The following SLC51A variants were observed in gnomAD, a reference collection of about 807,000 sequenced individuals.
The protein encoded by SLC51A is solute carrier family 51 member A, also known as organic solute transporter subunit alpha.
In SLC51A, 22 loss-of-function variants were observed where a neutral mutation model predicts 34.8. The observed-to-expected ratio is 0.63, with a 90% CI of 0.45 to 0.90. SLC51A has a LOEUF of 0.90. Among genes scored for constraint, SLC51A ranks in the 40% least tolerant of loss-of-function variants. The pLI is 0.00. For synonymous variants in SLC51A, 181 were observed against 176.3 expected, an observed-to-expected ratio of 1.03 and a Z score of -0.21; for missense variants, 371 against 414.8, an observed-to-expected ratio of 0.89 and a Z score of 0.92.
intron 2 of SLC51A, among the ~76,000 whole-genome samples, chr3:196,223,160 A>G (rs1054108348): frequency 2.0e-5 from 3 of 151,740 alleles, no homozygotes; most frequent in African/African-American, 7.3e-5. Flanking sequence ...CTGCTCCTTC[A>G]CTTCCAGGCT....
Position 196,228,779 on chromosome 3 carries a change from C to T in SLC51A, c.522-30C>T. The T allele has an allele frequency of 1.9e-6, 3 of 1,587,504 alleles. No homozygotes were observed. The highest frequency in any genetic ancestry group is 1.7e-6 in the Non-Finnish European group (2 of 1,156,106). ...CTTCCTGGGGCAGGGGGTTTGTGGG[C>T]CCATGTTCCTAACCCTCTTCCCCAC... On this transcript the variant is annotated intron_variant, in intron 5 of 8. Coordinates refer to ENST00000296327, the MANE Select transcript of SLC51A (RefSeq NM_152672.6). This position sits in a 1 kb window ranked among gnomAD's most constrained non-coding sequence, Gnocchi z 4.9.
At chr3:196,221,338 G>T (rs9830604) in intron 2 of SLC51A, among the ~76,000 whole-genome samples, 1 of 150,442 alleles carries the variant, frequency 6.6e-6, no homozygotes, top group African/African-American at 2.5e-5. Context: ...TTAAAATCAC[G>T]GCTCACGGCA....
In SLC51A at chr3:196,227,751, C is replaced by T. The variant is rs199904348; in HGVS notation, c.362+14C>T. The T allele has an allele frequency of 3.7e-6, 6 of 1,606,450 alleles. No individual in the cohort carries two copies. The highest frequency in any genetic ancestry group is 5.1e-6 in the Non-Finnish European group (6 of 1,176,602). On this transcript the variant is annotated intron_variant, in intron 4 of 8. Coordinates refer to ENST00000296327, the MANE Select transcript of SLC51A (RefSeq NM_152672.6). The stretch of plus-strand genomic sequence containing the variant: ...GACCATCACCTCGTGAGTGCCCTGC[C>T]TCGCCCCACCTCCAAGGGCCCCTCT...
intron 7 of SLC51A, among the ~76,000 whole-genome samples, chr3:196,231,697 T>C (rs922235530): frequency 6.6e-6 from 1 of 152,150 alleles, no homozygotes; most frequent in African/African-American, 2.4e-5. Flanking sequence ...CCATGGTTAA[T>C]GTGGGGGAGC....
chr3:196,231,910 A>AT (rs3215312), intron 7 of SLC51A, among the ~76,000 whole-genome samples: 51,663 of 152,054 alleles, frequency 0.34, 9,384 homozygotes, highest in East Asian at 0.75. Context: ...CATTAAGTAC[A>AT]TTCCCATAGT....
At chr3:196,225,788 C>T (rs1277800658) in intron 2 of SLC51A, 2 of 152,188 alleles carry the variant, frequency 1.3e-5, no homozygotes, top group African/African-American at 4.8e-5. Context: ...ATCCTCCGAC[C>T]ACTATCAGGT....
intron 2 of SLC51A, among the ~76,000 whole-genome samples, chr3:196,220,122 T>C (rs1723707298): frequency 6.6e-6 from 1 of 152,082 alleles, no homozygotes; most frequent in Admixed American, 6.5e-5. Flanking sequence ...CAGGGGACAA[T>C]TGAGAGGGCC....
chr3:196,217,024 C>T (rs1044456777), intron 1 of SLC51A, among the ~76,000 whole-genome samples: 3 of 152,236 alleles, frequency 2.0e-5, no homozygotes, highest in African/African-American at 7.2e-5. Context: ...GGCAGCATCC[C>T]TCAGCAGCAG....
chr3:196,229,668 C>T (rs1228569186), intron 6 of SLC51A, among the ~76,000 whole-genome samples: 3 of 143,948 alleles, frequency 2.1e-5, no homozygotes, highest in Non-Finnish European at 3.0e-5. Flanking sequence ...TGAGCCACCA[C>T]GCCTGGCCCA....
At chr3:196,217,339 G>T (rs1723617275) in intron 1 of SLC51A, among the ~76,000 whole-genome samples, 1 of 152,196 alleles carries the variant, frequency 6.6e-6, no homozygotes, top group Non-Finnish European at 1.5e-5. Flanking sequence ...TTCGAGACCA[G>T]TGTCTGAGCA....
chr3:196,217,421 C>T (rs1723619322), intron 1 of SLC51A, among the ~76,000 whole-genome samples: 1 of 151,996 alleles, frequency 6.6e-6, no homozygotes, highest in Non-Finnish European at 1.5e-5. Context: ...CCTGTAGTCC[C>T]AGCTTACTCA....
At position 196,217,831 on chromosome 3, in the gene SLC51A, T is replaced by A; in HGVS notation, c.39-11T>A. 5.6e-6 allele frequency: 9 copies of A among 1,612,162 alleles called. No homozygotes were observed. The highest frequency in any genetic ancestry group is 6.8e-6 in the Non-Finnish European group (8 of 1,179,132). On this transcript the variant is annotated splice_polypyrimidine_tract_variant and intron_variant, in intron 1 of 8. Transcript: ENST00000296327. ...CCCCATGGTTCTGAGCACAGGCTGG[T>A]GTCTCGCCAGGTACACAGCAGATCT...
Position 196,228,421 on chromosome 3 carries a change from A to G in SLC51A, c.521+148A>G. 9.8e-7 allele frequency: 1 copy of G among 1,015,640 alleles called. No homozygotes were observed. Among genetic ancestry groups the G allele is most frequent in the Non-Finnish European group, 1.4e-6 (1 of 715,808 alleles). 62.9% of individuals were successfully genotyped at this position (1,015,640 alleles called of 1,614,324 possible). ...CCCACGGCCAGGACCCACGGGCGCC[A>G]CCCTCAGGGGACAGGGGAGCAGAGG... On this transcript the variant is annotated intron_variant, in intron 5 of 8. Coordinates refer to ENST00000296327, the MANE Select transcript of SLC51A (RefSeq NM_152672.6). This position sits in a 1 kb window ranked among gnomAD's most constrained non-coding sequence, Gnocchi z 4.9.
chr3:196,231,560 G>T (rs999521665), intron 7 of SLC51A, among the ~76,000 whole-genome samples: 11 of 152,188 alleles, frequency 7.2e-5, no homozygotes, highest in African/African-American at 2.7e-4. Flanking sequence ...TAGAATGAAA[G>T]GGGCTATGGG....
chr3:196,230,005 C>T lies in SLC51A; in HGVS notation c.724C>T (p.Gln242Ter). ...ALWTLGIISR[Q>*]ARLHLGEQNM... ...CTGGACCCTGGGCATCATTTCCCGT[C>T]AAGCCAGGCTACACCTGGGTGAGCA... Residue 242 changes from glutamine to a stop codon, truncating the protein, a stop_gained, in exon 7 of 9, where the codon CAA (glutamine) becomes TAA (stop). Coordinates refer to ENST00000296327, the MANE Select transcript of SLC51A (RefSeq NM_152672.6). LOFTEE classifies it high-confidence loss of function. 1 of 1,613,978 alleles carries T rather than the reference C, an allele frequency of 6.2e-7. No homozygotes were observed. Among genetic ancestry groups the T allele is most frequent in the Non-Finnish European group, 8.5e-7 (1 of 1,179,906 alleles).
intron 1 of SLC51A, among the ~76,000 whole-genome samples, chr3:196,217,155 G>A (rs1024615340): frequency 4.6e-5 from 7 of 152,194 alleles, no homozygotes; most frequent in African/African-American, 1.2e-4. Context: ...CTTCAGGCAC[G>A]GCAGCCAGGC....
Position 196,233,128 on chromosome 3 carries a change from C to G in SLC51A, c.952C>G (p.Arg318Gly), listed in dbSNP as rs377420261. Residue 318 changes from arginine to glycine, a missense_variant, in exon 9 of 9, where the codon CGA (arginine) becomes GGA (glycine). By Grantham distance (125) the Arg-to-Gly change is moderately radical. Coordinates refer to ENST00000296327, the MANE Select transcript of SLC51A (RefSeq NM_152672.6). ...GACTGTGCTGACACGAATGTACTAC[C>G]GAAGGAAAGACCACAAGGTTGGGTA... is the stretch of plus-strand genomic sequence containing the variant. ...LMTVLTRMYYRRKDHKVGYET... is the reference protein window; with the variant it reads ...LMTVLTRMYYGRKDHKVGYET... The G allele has an allele frequency of 3.1e-6, 5 of 1,614,186 alleles. No individual in the cohort carries two copies. The highest frequency in any genetic ancestry group is 2.2e-5 in the East Asian group (1 of 44,886).
At position 196,233,371 on chromosome 3, in the gene SLC51A, T is replaced by A; in HGVS notation, c.*172T>A. 1.3e-6 allele frequency: 1 copy of A among 741,476 alleles called. No homozygotes were observed. The highest frequency in any genetic ancestry group is 2.2e-6 in the Non-Finnish European group (1 of 464,600). The allele number at this position is 741,476 out of a possible 1,614,324, so 45.9% of individuals were successfully genotyped here. Reference sequence around the variant, plus strand: ...AATGTTAGAATAAAATTGCTTTGGATCTTGCCTGGAAGGTGTTTTAAGTTT... The same window carrying A: ...AATGTTAGAATAAAATTGCTTTGGAACTTGCCTGGAAGGTGTTTTAAGTTT... On this transcript the variant is annotated 3_prime_UTR_variant, in exon 9 of 9. Transcript: ENST00000296327.
chr3:196,228,300 C>T lies in SLC51A; in HGVS notation c.521+27C>T. On this transcript the variant is annotated intron_variant, in intron 5 of 8. Transcript: ENST00000296327. This position sits in a 1 kb window ranked among gnomAD's most constrained non-coding sequence, Gnocchi z 4.9. ...TGAGGCGGGGCCAAGGTGCCTTCCC[C>T]AGGAGCCGGGGAGCCTCTCCTGGAC... 6.3e-7 allele frequency: 1 copy of T among 1,597,898 alleles called. No homozygotes were observed. Among genetic ancestry groups the T allele is most frequent in the African/African-American group, 1.3e-5 (1 of 74,848 alleles).
Sources: gnomAD v4.1 joint callset for allele counts (sites outside exome capture counted in the v4.1 genomes callset) on GRCh38, gnomAD v4.1.1 for gene constraint, Gnocchi (gnomAD v3.1) non-coding constraint, MANE v1.5 for transcripts, NCBI Gene and HGNC (gene_info 2026-07-23, HGNC 2026-07-21) for gene names.